The following ATE1 variants were observed in gnomAD, a reference collection of about 807,000 sequenced individuals.
ATE1 encodes the protein arginyltransferase 1.
A neutral mutation model predicts 70.5 loss-of-function variants in ATE1; 36 were observed. The observed-to-expected ratio is 0.51, with a 90% CI of 0.39 to 0.67. The LOEUF (loss-of-function observed/expected upper bound fraction) is 0.67, where lower values mean the gene tolerates loss of function less well. Among genes scored for constraint, ATE1 ranks in the 30% least tolerant of loss-of-function variants. The pLI is 0.00. For missense variants in ATE1, 593 were observed against 629.5 expected (o/e 0.94, Z 0.62); for synonymous variants, 232 against 219.3 (o/e 1.06, Z -0.51).
At chr10:121,901,383 T>C (rs184946157) in intron 6 of ATE1, among the ~76,000 whole-genome samples, 101 of 152,328 alleles carry the variant, frequency 6.6e-4, no homozygotes, top group Non-Finnish European at 1.2e-3. Context: ...TTTTAGATGA[T>C]AGTAAGCTAC....
At chr10:121,909,724 T>C (rs1951346510) in intron 5 of ATE1, among the ~76,000 whole-genome samples, 1 of 152,114 alleles carries the variant, frequency 6.6e-6, no homozygotes, top group Non-Finnish European at 1.5e-5. Context: ...AGAGAAATAG[T>C]TGAAAGAAAC....
rs1458920145 is a variant in ATE1, at chr10:121,790,137, T to C, written c.1378+32A>G. ...ACATGGATCATAAAAACAAAGCCAA[T>C]GATTTCCAGCTGAGCTCAGCTCCAA... On this transcript the variant is annotated intron_variant, in intron 11 of 11. Coordinates refer to ENST00000224652, the MANE Select transcript of ATE1 (RefSeq NM_001001976.3). 3.7e-6 allele frequency: 6 copies of C among 1,612,602 alleles called. No homozygotes were observed. The African/African-American group carries it at 8.0e-5, about 22-fold the overall frequency.
At chr10:121,769,896 C>T (rs1945430664) in intron 11 of ATE1, among the ~76,000 whole-genome samples, 1 of 152,202 alleles carries the variant, frequency 6.6e-6, no homozygotes, top group Non-Finnish European at 1.5e-5. Context: ...TGTTATCTTT[C>T]ATCCATTGTT....
At chr10:121,791,093 TA>T (rs1203420231) in intron 10 of ATE1, among the ~76,000 whole-genome samples, 1 of 56,496 alleles carries the variant, frequency 1.8e-5, no homozygotes, top group Non-Finnish European at 4.2e-5. Flanking sequence ...TGTGTGTATA[TA>T]TATTTTTTTT....
chr10:121,790,308 A>G lies in ATE1; in HGVS notation c.1258-19T>C. On this transcript the variant is annotated intron_variant, in intron 10 of 11. Coordinates refer to ENST00000224652, the MANE Select transcript of ATE1 (RefSeq NM_001001976.3). ...ACTGACCCTGAAGAAAAGTGAAGGA[A>G]AAAGGCACAGGCATTATTAACACAG... The G allele has an allele frequency of 6.2e-7, 1 of 1,612,288 alleles. No individual in the cohort carries two copies. The highest frequency in any genetic ancestry group is 8.5e-7 in the Non-Finnish European group (1 of 1,179,298).
At chr10:121,841,915 A>G (rs1169446936) in intron 8 of ATE1, among the ~76,000 whole-genome samples, 3 of 152,210 alleles carry the variant, frequency 2.0e-5, no homozygotes, top group Non-Finnish European at 4.4e-5. Flanking sequence ...GAAATAAAAT[A>G]AATAAAATAA....
At chr10:121,778,697 G>C (rs1945852033) in intron 11 of ATE1, among the ~76,000 whole-genome samples, 2 of 151,720 alleles carry the variant, frequency 1.3e-5, no homozygotes, top group Admixed American at 1.3e-4. Flanking sequence ...CAGCTCCTGG[G>C]TTCAAGCGAC....
At chr10:121,775,379 C>T (rs1945692806) in intron 11 of ATE1, among the ~76,000 whole-genome samples, 2 of 151,990 alleles carry the variant, frequency 1.3e-5, no homozygotes, top group African/African-American at 4.8e-5. Context: ...GGGCTTAAAA[C>T]CTAGTTGAAG....
At chr10:121,925,369 G>A (rs117293707) in intron 1 of ATE1, among the ~76,000 whole-genome samples, 6,201 of 150,192 alleles carry the variant, frequency 0.041, 371 homozygotes, top group East Asian at 0.3. Flanking sequence ...GCAGTGACTC[G>A]AGATCGAGCC....
chr10:121,894,596 C>T (rs1488539047), intron 7 of ATE1, among the ~76,000 whole-genome samples: 1 of 152,026 alleles, frequency 6.6e-6, no homozygotes, highest in East Asian at 1.9e-4. Context: ...AAAGACAATC[C>T]AATTAAAAAA....
intron 7 of ATE1, among the ~76,000 whole-genome samples, chr10:121,891,446 C>T (rs886403894): frequency 2.6e-5 from 4 of 152,144 alleles, no homozygotes; most frequent in African/African-American, 9.7e-5. Flanking sequence ...CTTGCAGGTA[C>T]AGCTGCCTGC....
At chr10:121,771,227 T>C (rs1049394935) in intron 11 of ATE1, among the ~76,000 whole-genome samples, 10 of 152,244 alleles carry the variant, frequency 6.6e-5, no homozygotes, top group Non-Finnish European at 1.0e-4. Flanking sequence ...CCTGCCACCA[T>C]GCCTGGCTAA....
chr10:121,846,728 A>G (rs1316819267), intron 8 of ATE1: 2 of 134,230 alleles, frequency 1.5e-5, no homozygotes, highest in Non-Finnish European at 3.4e-5. Flanking sequence ...AAATAAATAA[A>G]TAAATAAATA....
intron 7 of ATE1, among the ~76,000 whole-genome samples, chr10:121,874,088 A>G (rs1165392102): frequency 6.6e-6 from 1 of 152,180 alleles, no homozygotes; most frequent in East Asian, 1.9e-4. Context: ...GACAGGTCTG[A>G]TTATTTTAGA....
chr10:121,758,635 G>GGTTTGTTT (rs547997600), intron 11 of ATE1, among the ~76,000 whole-genome samples: 2 of 152,022 alleles, frequency 1.3e-5, no homozygotes, highest in African/African-American at 2.4e-5. Flanking sequence ...AGATATTGAG[G>GGTTTGTTT]GTTTGTTTGT....
intron 11 of ATE1, among the ~76,000 whole-genome samples, chr10:121,757,174 T>C (rs4497342): frequency 0.78 from 118,330 of 151,728 alleles, 47,243 homozygotes; most frequent in Non-Finnish European, 0.88. Flanking sequence ...TCCGCCAGTC[T>C]CCTTGCTAAA....
chr10:121,893,294 C>A (rs10887015), intron 7 of ATE1, among the ~76,000 whole-genome samples: 4,654 of 77,746 alleles, frequency 0.06, 129 homozygotes, highest in African/African-American at 0.084. Flanking sequence ...AAAAAAAAAA[C>A]AAAATTGTAA....
chr10:121,763,078 G>C (rs2135802981), intron 11 of ATE1, among the ~76,000 whole-genome samples: 1 of 152,302 alleles, frequency 6.6e-6, no homozygotes, highest in East Asian at 1.9e-4. Flanking sequence ...GTTTTTATCA[G>C]AGCAAACCCA....
chr10:121,767,241 G>A (rs572467606), intron 11 of ATE1, among the ~76,000 whole-genome samples: 21 of 152,172 alleles, frequency 1.4e-4, no homozygotes, highest in South Asian at 1.2e-3. Flanking sequence ...GGAGGGGAAC[G>A]TCTTCAACTT....
Sources: allele counts gnomAD v4.1 joint callset (sites outside exome capture counted in the v4.1 genomes callset), GRCh38; gene constraint gnomAD v4.1.1; transcripts MANE v1.5; gene names NCBI Gene and HGNC (gene_info 2026-07-23, HGNC 2026-07-21).